GSE1: variants seen among roughly 807,000 people sequenced by gnomAD.
The protein encoded by GSE1 is genetic suppressor element 1.
In GSE1, 32 loss-of-function variants were observed where a neutral mutation model predicts 112.6. The ratio of observed to expected loss-of-function variants is 0.28; its 90% CI spans 0.21 to 0.38. The LOEUF (loss-of-function observed/expected upper bound fraction) is 0.38, where lower values mean the gene tolerates loss of function less well. GSE1 is among the 10% of genes least tolerant of loss of function. GSE1 has a pLI of 1.00. For missense variants in GSE1, 2,348 were observed against 1,699.2 expected, an observed-to-expected ratio of 1.38 and a Z score of -6.71; for synonymous variants, 1,115 against 735.6, an observed-to-expected ratio of 1.52 and a Z score of -8.35.
In GSE1 at chr16:85,633,758, C is replaced by T. The variant is rs112346355; in HGVS notation, c.8-156C>T. 8.3e-3 allele frequency among the ~76,000 whole-genome samples: 1,262 copies of T among 152,292 alleles called. 11 individuals are homozygous for T. The highest frequency in any genetic ancestry group is 0.013 in the Non-Finnish European group (910 of 68,016). On this transcript the variant is annotated intron_variant, in intron 1 of 15. Coordinates refer to ENST00000253458, the MANE Select transcript of GSE1 (RefSeq NM_014615.5). ...GGGACGGGGTCTGTTCTCTCTGCAG[C>T]GCTGGCTCTGTCCTGTTCTTGCTTG...
chr16:85,345,291 GT>G (rs1485556808), intron 1 of GSE1, among the ~76,000 whole-genome samples: 1 of 152,210 alleles, frequency 6.6e-6, no homozygotes, highest in Non-Finnish European at 1.5e-5. Context: ...CGTAAATAAA[GT>G]TTTATTGGAA....
At chr16:85,496,286 T>C (rs2051175035) in intron 2 of GSE1, among the ~76,000 whole-genome samples, 1 of 152,192 alleles carries the variant, frequency 6.6e-6, no homozygotes, top group Non-Finnish European at 1.5e-5. Context: ...GGGCCGCCCC[T>C]CGCGGGCCCG....
At chr16:85,244,809 G>T (rs1173197992) in intron 1 of GSE1, among the ~76,000 whole-genome samples, 1 of 152,054 alleles carries the variant, frequency 6.6e-6, no homozygotes, top group East Asian at 1.9e-4. Flanking sequence ...TGGCCAACAT[G>T]GTGAAATCCT....
intron 2 of GSE1, among the ~76,000 whole-genome samples, chr16:85,388,912 G>A (rs2047768667): frequency 6.6e-6 from 1 of 152,150 alleles, no homozygotes; most frequent in Non-Finnish European, 1.5e-5. Flanking sequence ...GGAATCCCCA[G>A]GGAAAATCAT....
chr16:85,429,090 CGGTAAACAGCCGCAGGAGCAGCA>C (rs1261690419), intron 2 of GSE1, among the ~76,000 whole-genome samples: 1 of 152,208 alleles, frequency 6.6e-6, no homozygotes, highest in Non-Finnish European at 1.5e-5. Flanking sequence ...GCATCACTCA[CGGTAAACAGCCGCAGGAGCAGCA>C]GGTGCCTGCT....
At chr16:85,396,702 G>A (rs971988859) in intron 2 of GSE1, among the ~76,000 whole-genome samples, 1 of 152,260 alleles carries the variant, frequency 6.6e-6, no homozygotes, top group Non-Finnish European at 1.5e-5. Context: ...ATGGATGTCC[G>A]GACGCTACAC....
upstream of GSE1, among the ~76,000 whole-genome samples, chr16:85,551,906 C>T (rs1317754826): frequency 3.3e-5 from 5 of 152,352 alleles, no homozygotes; most frequent in Admixed American, 6.5e-5. Flanking sequence ...AGGAGCTGGC[C>T]CACCGGCATG....
At chr16:85,344,410 C>G (rs989397649) in intron 1 of GSE1, among the ~76,000 whole-genome samples, 7 of 152,178 alleles carry the variant, frequency 4.6e-5, no homozygotes, top group Non-Finnish European at 8.8e-5. Context: ...GCTGACTGCC[C>G]GAAGCTCCCA....
chr16:85,487,727 G>A (rs1567529313), intron 2 of GSE1, among the ~76,000 whole-genome samples: 4 of 152,152 alleles, frequency 2.6e-5, no homozygotes, highest in South Asian at 2.1e-4. Context: ...CTGTGCCCTC[G>A]GGAAATGGGC....
At chr16:85,297,512 T>A (rs957764335) in intron 1 of GSE1, among the ~76,000 whole-genome samples, 3 of 150,808 alleles carry the variant, frequency 2.0e-5, no homozygotes, top group Admixed American at 6.6e-5. Context: ...TGTTTTGTTT[T>A]GTTTTGAGAT....
intron 1 of GSE1, among the ~76,000 whole-genome samples, chr16:85,614,262 A>G (rs1420559049): frequency 6.6e-6 from 1 of 151,778 alleles, no homozygotes; most frequent in Non-Finnish European, 1.5e-5. Flanking sequence ...ATGGGCGGCG[A>G]GTGGCCCGAC....
upstream of GSE1, among the ~76,000 whole-genome samples, chr16:85,551,125 C>T (rs1384699208): frequency 2.0e-5 from 3 of 152,060 alleles, no homozygotes; most frequent in Admixed American, 1.3e-4. Context: ...TCCAGCCTGC[C>T]CAGTTTCCTA....
chr16:85,527,644 T>G (rs1276767393), intron 2 of GSE1, among the ~76,000 whole-genome samples: 1 of 152,046 alleles, frequency 6.6e-6, no homozygotes, highest in Non-Finnish European at 1.5e-5. Flanking sequence ...CCTACCCCGG[T>G]GGGAAGCGGG....
intron 2 of GSE1, among the ~76,000 whole-genome samples, chr16:85,486,767 G>A (rs1329858929): frequency 6.6e-6 from 1 of 152,160 alleles, no homozygotes; most frequent in Non-Finnish European, 1.5e-5. Flanking sequence ...TGTTCTCGGG[G>A]GTTCCCCCAG....
chr16:85,170,287 C>T (rs1436619182), exon 1 of GSE1: 2 of 985,518 alleles, frequency 2.0e-6, no homozygotes, highest in African/African-American at 3.5e-5. Flanking sequence ...GGTTAGGCGC[C>T]GGCGGAAGGG....
chr16:85,370,514 A>G (rs2047272593), intron 2 of GSE1, among the ~76,000 whole-genome samples: 1 of 152,194 alleles, frequency 6.6e-6, no homozygotes, highest in Non-Finnish European at 1.5e-5. Context: ...AGACCCTAGG[A>G]GGGCAAAGGA....
intron 1 of GSE1, among the ~76,000 whole-genome samples, chr16:85,322,814 C>A (rs1050095193): frequency 6.6e-6 from 1 of 152,050 alleles, no homozygotes; most frequent in Non-Finnish European, 1.5e-5. Flanking sequence ...GGGGGTTTCA[C>A]CATGTTGGCC....
rs540938397 is a variant in GSE1 at position 85,475,894 on chromosome 16, C to T, written c.2464+118251C>T. On this transcript the variant is annotated intron_variant, in intron 2 of 2. Coordinates refer to the GSE1 transcript ENST00000637419. ...CCACCTCAGCCTCCCTAAGCGCTAG[C>T]ATTACAGGTGTGAGCCATCGCAGCG... 3.2e-4 allele frequency among the ~76,000 whole-genome samples: 49 copies of T among 151,410 alleles called. No individual in the cohort carries two copies. In the South Asian group the frequency reaches 3.5e-3, roughly 11 times the overall value.
At chr16:85,281,985 G>A (rs1029337048) in intron 1 of GSE1, among the ~76,000 whole-genome samples, 5 of 152,020 alleles carry the variant, frequency 3.3e-5, no homozygotes, top group African/African-American at 4.8e-5. Context: ...AGATGGTGCC[G>A]GGTGCCACAG....
Sources: allele counts gnomAD v4.1 joint callset (sites outside exome capture counted in the v4.1 genomes callset), GRCh38; gene constraint gnomAD v4.1.1; transcripts MANE v1.5; gene names NCBI Gene and HGNC (gene_info 2026-07-23, HGNC 2026-07-21).